Variants in IL1RAPL1 observed in about 807,000 individuals in gnomAD.
IL1RAPL1 encodes the protein interleukin-1 receptor accessory protein-like 1.
In IL1RAPL1, 3 loss-of-function variants were observed where a neutral mutation model predicts 48.4. The observed-to-expected ratio is 0.06, with a 90% CI of 0.03 to 0.16. The LOEUF is 0.16. Ranked by LOEUF, IL1RAPL1 falls within the 10% of genes least tolerant of loss-of-function variation. IL1RAPL1 has a pLI of 1.00. For synonymous variants in IL1RAPL1, 185 were observed against 187.7 expected (o/e 0.99, Z 0.12); for missense variants, 349 against 530.6 (o/e 0.66, Z 3.36).
chrX:29,187,916 G>A (rs1440042665), intron 2 of IL1RAPL1, among the ~76,000 whole-genome samples: 1 of 111,791 alleles, frequency 8.9e-6, no homozygotes, highest in Non-Finnish European at 1.9e-5. Flanking sequence ...TTTGGCACAA[G>A]GGAACTTGGC....
intron 1 of IL1RAPL1, among the ~76,000 whole-genome samples, chrX:28,710,422 G>A (rs1417439172): frequency 3.6e-5 from 4 of 110,633 alleles, no homozygotes; most frequent in African/African-American, 9.9e-5. Flanking sequence ...TTGAGTAGGT[G>A]AGATTTTAGC....
intron 2 of IL1RAPL1, among the ~76,000 whole-genome samples, chrX:28,855,534 C>T (rs763792204): frequency 3.2e-4 from 35 of 110,679 alleles, no homozygotes; most frequent in Non-Finnish European, 5.9e-4. Flanking sequence ...TTTGTGGGTA[C>T]ATAGATTAAT....
intron 5 of IL1RAPL1, among the ~76,000 whole-genome samples, chrX:29,416,158 A>G (rs927271510): frequency 7.1e-5 from 8 of 111,930 alleles, no homozygotes; most frequent in African/African-American, 2.6e-4. Context: ...GTGAGAACTT[A>G]GGTAGAAATG....
chrX:29,558,697 A>G (rs186783251), intron 5 of IL1RAPL1, among the ~76,000 whole-genome samples: 1 of 111,541 alleles, frequency 9.0e-6, no homozygotes, highest in African/African-American at 3.2e-5. Context: ...ATCAATTTTG[A>G]GTTGGTTGTT....
In IL1RAPL1 at chrX:28,882,658, C is replaced by CA. The variant is rs759815692; in HGVS notation, c.82+93241dup. ...AACTCCAGCTGAGCCCCCGCCACTG[C>CA]AAAAAAAAGGAGAAATTAAGATTTT... is the stretch of plus-strand genomic sequence containing the variant. On this transcript the variant is annotated intron_variant, in intron 2 of 10. Transcript: ENST00000378993. Among the ~76,000 whole-genome samples, 82 of 109,621 alleles carry CA rather than the reference C, an allele frequency of 7.5e-4. 1 individual carries two copies. In the East Asian group the frequency reaches 9.7e-3, roughly 13 times the overall value.
At chrX:29,711,325 C>T (rs766598613) in intron 6 of IL1RAPL1, among the ~76,000 whole-genome samples, 29 of 105,865 alleles carry the variant, frequency 2.7e-4, no homozygotes, top group African/African-American at 8.6e-4. Context: ...CTGGGATTAC[C>T]GCCATGCGCC....
intron 3 of IL1RAPL1, among the ~76,000 whole-genome samples, chrX:29,342,136 G>T (rs1466496995): frequency 1.1e-4 from 11 of 99,378 alleles, no homozygotes; most frequent in African/African-American, 4.2e-4. Flanking sequence ...GTGTGTGTGT[G>T]TGTGTGTGTG....
chrX:28,924,743 G>T (rs73208069), intron 2 of IL1RAPL1, among the ~76,000 whole-genome samples: 1 of 111,972 alleles, frequency 8.9e-6, no homozygotes, highest in East Asian at 2.8e-4. Flanking sequence ...AAGGGAGTAG[G>T]TACATGATGG....
chrX:29,471,486 G>C (rs1354024213), intron 5 of IL1RAPL1, among the ~76,000 whole-genome samples: 5 of 111,215 alleles, frequency 4.5e-5, no homozygotes, highest in Non-Finnish European at 9.4e-5. Context: ...GCAATTCCTT[G>C]TGAGGGAGGC....
At chrX:28,939,084 A>G (rs1924097082) in intron 2 of IL1RAPL1, among the ~76,000 whole-genome samples, 1 of 110,498 alleles carries the variant, frequency 9.0e-6, no homozygotes, top group South Asian at 3.8e-4. Context: ...CACTGTTAGT[A>G]GGAATATAAA....
Position 29,750,238 on chromosome X carries a change from T to C in IL1RAPL1, c.778+81734T>C, listed in dbSNP as rs776631314. The stretch of plus-strand genomic sequence containing the variant: ...CATTAAGAGGCAGATGGTAAATTGA[T>C]TAGACATAAGATGCTTCGTATTTGT... On this transcript the variant is annotated intron_variant, in intron 6 of 10. Transcript: ENST00000378993. 8.0e-5 allele frequency among the ~76,000 whole-genome samples: 9 copies of C among 112,310 alleles called. No individual in the cohort carries two copies. The East Asian group carries it at 2.5e-3, about 31-fold the overall frequency.
At chrX:29,098,622 T>A (rs1928266345) in intron 2 of IL1RAPL1, among the ~76,000 whole-genome samples, 2 of 111,707 alleles carry the variant, frequency 1.8e-5, no homozygotes, top group African/African-American at 6.5e-5. Flanking sequence ...ACCCTAGGCC[T>A]TGAGTCAGAA....
At chrX:28,764,562 C>G (rs1181736611) in intron 1 of IL1RAPL1, among the ~76,000 whole-genome samples, 1 of 111,365 alleles carries the variant, frequency 9.0e-6, no homozygotes, top group Non-Finnish European at 1.9e-5. Flanking sequence ...TATTCTACAA[C>G]ATTAAGATTT....
At chrX:29,103,785 A>G (rs1353868974) in intron 2 of IL1RAPL1, among the ~76,000 whole-genome samples, 1 of 112,127 alleles carries the variant, frequency 8.9e-6, no homozygotes, top group Non-Finnish European at 1.9e-5. Flanking sequence ...GAAAAAATTA[A>G]TAATCAAATT....
At chrX:29,636,449 A>G (rs1924969300) in intron 5 of IL1RAPL1, among the ~76,000 whole-genome samples, 1 of 112,367 alleles carries the variant, frequency 8.9e-6, no homozygotes, top group African/African-American at 3.2e-5. Context: ...ATACATTTGC[A>G]CAACCATTTT....
chrX:29,078,534 A>G (rs1042662430), intron 2 of IL1RAPL1, among the ~76,000 whole-genome samples: 32 of 112,279 alleles, frequency 2.9e-4, no homozygotes, highest in African/African-American at 9.7e-4. Flanking sequence ...CAAAAATTAC[A>G]TAATCAGTGC....
chrX:28,784,309 A>G (rs1233114679), intron 1 of IL1RAPL1, among the ~76,000 whole-genome samples: 1 of 112,225 alleles, frequency 8.9e-6, no homozygotes, highest in Non-Finnish European at 1.9e-5. Flanking sequence ...TGGTTGCTTT[A>G]ATCTTGAATA....
chrX:29,450,325 A>C (rs1476926294), intron 5 of IL1RAPL1, among the ~76,000 whole-genome samples: 1 of 112,312 alleles, frequency 8.9e-6, no homozygotes, highest in Non-Finnish European at 1.9e-5. Flanking sequence ...GTGGACACAC[A>C]CATACATTCC....
At chrX:29,214,252 G>C in intron 2 of IL1RAPL1, among the ~76,000 whole-genome samples, 1 of 111,437 alleles carries the variant, frequency 9.0e-6, no homozygotes, top group Non-Finnish European at 1.9e-5. Context: ...ACCATGGCTT[G>C]TTATTCCATT....
Sources: allele counts gnomAD v4.1 joint callset (sites outside exome capture counted in the v4.1 genomes callset), GRCh38; gene constraint gnomAD v4.1.1; transcripts MANE v1.5; gene names NCBI Gene and HGNC (gene_info 2026-07-23, HGNC 2026-07-21).